Variants in GRIA4 observed in about 807,000 individuals in gnomAD.
The protein encoded by GRIA4 is glutamate ionotropic receptor AMPA type subunit 4, also known as glutamate receptor 4.
GRIA4 carries 34 observed loss-of-function variants against 104.0 expected under a neutral mutation model. The ratio of observed to expected loss-of-function variants is 0.33; its 90% CI spans 0.25 to 0.44. GRIA4 has a LOEUF of 0.44. Among genes scored for constraint, GRIA4 ranks in the 20% least tolerant of loss-of-function variants. GRIA4 has a pLI of 1.00. For missense variants in GRIA4, 750 were observed against 1,096.5 expected, an observed-to-expected ratio of 0.68 and a Z score of 4.46; for synonymous variants, 386 against 381.9, an observed-to-expected ratio of 1.01 and a Z score of -0.13.
At chr11:105,767,690 G>A (rs1941014778) in intron 4 of GRIA4, among the ~76,000 whole-genome samples, 1 of 152,058 alleles carries the variant, frequency 6.6e-6, no homozygotes, top group South Asian at 2.1e-4. Flanking sequence ...GTGAAATACA[G>A]CTCTAAAAGC....
intron 6 of GRIA4, among the ~76,000 whole-genome samples, chr11:105,896,573 T>C (rs369492466): frequency 5.6e-4 from 85 of 152,192 alleles, no homozygotes; most frequent in African/African-American, 2.0e-3. Flanking sequence ...ATGTAGTCTT[T>C]AATCTATCTT....
intron 4 of GRIA4, among the ~76,000 whole-genome samples, chr11:105,786,982 TC>T (rs1308439273): frequency 1.3e-5 from 2 of 152,142 alleles, no homozygotes; most frequent in Admixed American, 1.3e-4. Context: ...TCTCTGACTC[TC>T]CCAGCTTCTC....
At chr11:105,921,977 T>G (rs567028901) in intron 11 of GRIA4, among the ~76,000 whole-genome samples, 2 of 152,186 alleles carry the variant, frequency 1.3e-5, no homozygotes, top group South Asian at 4.1e-4. Context: ...AAAAATAATT[T>G]TATATGGCTA....
intron 14 of GRIA4, among the ~76,000 whole-genome samples, chr11:105,942,665 A>G (rs2136227027): frequency 6.6e-6 from 1 of 152,126 alleles, no homozygotes; most frequent in African/African-American, 2.4e-5. Context: ...ACATAGATTC[A>G]CTCTGAAAAC....
At chr11:105,813,863 C>G (rs1457221396) in intron 4 of GRIA4, among the ~76,000 whole-genome samples, 1 of 151,958 alleles carries the variant, frequency 6.6e-6, no homozygotes, top group Admixed American at 6.6e-5. Context: ...AATAAGAGGA[C>G]ATGAGAGAGA....
intron 3 of GRIA4, among the ~76,000 whole-genome samples, chr11:105,623,565 C>T (rs905569990): frequency 2.6e-5 from 4 of 151,986 alleles, no homozygotes; most frequent in East Asian, 1.9e-4. Context: ...GGTCTTCTTT[C>T]GTCTATGCCC....
chr11:105,804,318 C>A (rs1942851611), intron 4 of GRIA4, among the ~76,000 whole-genome samples: 1 of 150,444 alleles, frequency 6.6e-6, no homozygotes, highest in Admixed American at 6.7e-5. Context: ...ATCAAATGTT[C>A]TTGCTTCCAA....
chr11:105,678,470 A>G (rs530018593), intron 3 of GRIA4, among the ~76,000 whole-genome samples: 3 of 152,162 alleles, frequency 2.0e-5, no homozygotes, highest in South Asian at 2.1e-4. Context: ...ATGCTTTTCT[A>G]TTTCAATTTT....
At chr11:105,812,347 G>A (rs1191128078) in intron 4 of GRIA4, among the ~76,000 whole-genome samples, 1 of 152,120 alleles carries the variant, frequency 6.6e-6, no homozygotes, top group Non-Finnish European at 1.5e-5. Context: ...AATTTGTTGT[G>A]AATAGTTGGC....
chr11:105,673,246 T>G (rs902837042), intron 3 of GRIA4, among the ~76,000 whole-genome samples: 2 of 152,050 alleles, frequency 1.3e-5, no homozygotes, highest in African/African-American at 4.8e-5. Flanking sequence ...CATCCTAAGT[T>G]TGTGGAAGGT....
chr11:105,717,906 T>TA (rs1169693412), intron 3 of GRIA4, among the ~76,000 whole-genome samples: 2 of 123,754 alleles, frequency 1.6e-5, no homozygotes, highest in Non-Finnish European at 3.2e-5. Flanking sequence ...TATGCAGCCA[T>TA]AAAAAATGAT....
At chr11:105,830,698 T>C (rs188448239) in intron 4 of GRIA4, among the ~76,000 whole-genome samples, 43 of 152,142 alleles carry the variant, frequency 2.8e-4, no homozygotes, top group African/African-American at 1.0e-3. Flanking sequence ...ATCTACTCAA[T>C]TGGACATAGG....
At chr11:105,848,515 C>T (rs991692539) in intron 4 of GRIA4, among the ~76,000 whole-genome samples, 12 of 152,128 alleles carry the variant, frequency 7.9e-5, no homozygotes, top group Admixed American at 7.9e-4. Flanking sequence ...CATGCAATTA[C>T]TGGAATTTAC....
At chr11:105,632,627 T>G (rs561893368) in intron 3 of GRIA4, among the ~76,000 whole-genome samples, 12 of 152,290 alleles carry the variant, frequency 7.9e-5, no homozygotes, top group African/African-American at 2.6e-4. Context: ...GCAATGTGCA[T>G]TAAAATACAT....
intron 4 of GRIA4, among the ~76,000 whole-genome samples, chr11:105,796,099 T>C (rs1942469108): frequency 6.6e-6 from 1 of 152,110 alleles, no homozygotes; most frequent in Non-Finnish European, 1.5e-5. Context: ...TTATATCAGG[T>C]GCTTCCATTT....
intron 4 of GRIA4, among the ~76,000 whole-genome samples, chr11:105,824,334 A>G (rs1390371332): frequency 2.6e-5 from 4 of 152,020 alleles, no homozygotes; most frequent in Non-Finnish European, 5.9e-5. Flanking sequence ...ATACTTCTTT[A>G]TTCTCAAATA....
At position 105,674,088 on chromosome 11, in the gene GRIA4, T is replaced by C. The variant is rs191811473; in HGVS notation, c.247+61654T>C. The stretch of plus-strand genomic sequence containing the variant: ...ACTTGTTATTTGCCTGCAACATTTA[T>C]AAAGCATGGAGAATGTGTAAATATA... On this transcript the variant is annotated intron_variant, in intron 3 of 16. Coordinates refer to ENST00000282499, the MANE Select transcript of GRIA4 (RefSeq NM_000829.4). Among the ~76,000 whole-genome samples the C allele has an allele frequency of 2.0e-3, 303 of 152,186 alleles. 1 individual carries two copies. Among genetic ancestry groups the C allele is most frequent in the African/African-American group, 7.0e-3 (293 of 41,572 alleles).
chr11:105,794,711 G>A (rs992758727), intron 4 of GRIA4, among the ~76,000 whole-genome samples: 2 of 150,352 alleles, frequency 1.3e-5, no homozygotes, highest in Non-Finnish European at 3.0e-5. Context: ...TGTCCTTACA[G>A]AGCTGACATT....
At chr11:105,943,464 T>A (rs1948230918) in intron 14 of GRIA4, among the ~76,000 whole-genome samples, 1 of 152,124 alleles carries the variant, frequency 6.6e-6, no homozygotes, top group African/African-American at 2.4e-5. Flanking sequence ...CTAGGTATGA[T>A]TTTAAAAATT....
Sources: allele counts gnomAD v4.1 joint callset (sites outside exome capture counted in the v4.1 genomes callset), GRCh38; gene constraint gnomAD v4.1.1; transcripts MANE v1.5; gene names NCBI Gene and HGNC (gene_info 2026-07-23, HGNC 2026-07-21).